PTPRD: variants seen among roughly 807,000 people sequenced by gnomAD.
PTPRD encodes protein tyrosine phosphatase receptor type D.
Under a neutral mutation model 214.5 loss-of-function variants are expected in PTPRD, and 34 were observed. That is an observed-to-expected ratio of 0.16 (90% CI 0.12 to 0.21). The LOEUF (loss-of-function observed/expected upper bound fraction) is 0.21. Ranked by LOEUF, PTPRD falls within the 10% of genes least tolerant of loss-of-function variation. PTPRD has a pLI of 1.00. For synonymous variants in PTPRD, 1,128 were observed against 845.7 expected (o/e 1.33, Z -5.79); for missense variants, 2,545 against 2,398.7 (o/e 1.06, Z -1.27).
intron 10 of PTPRD, among the ~76,000 whole-genome samples, chr9:9,101,053 A>G (rs2099790558): frequency 6.6e-6 from 1 of 152,098 alleles, no homozygotes; most frequent in Admixed American, 6.6e-5. Flanking sequence ...AAAAATCAGC[A>G]CATACAAGAT....
chr9:9,978,734 C>T (rs1384015188), intron 4 of PTPRD, among the ~76,000 whole-genome samples: 2 of 146,444 alleles, frequency 1.4e-5, no homozygotes, highest in Non-Finnish European at 3.0e-5. Context: ...ACTATAGATC[C>T]AAGAAGCTCG....
chr9:8,554,985 T>C (rs763671401), intron 14 of PTPRD, among the ~76,000 whole-genome samples: 1 of 143,930 alleles, frequency 6.9e-6, no homozygotes, highest in Non-Finnish European at 1.5e-5. Flanking sequence ...TATGTATATA[T>C]ACACTATATA....
intron 9 of PTPRD, among the ~76,000 whole-genome samples, chr9:9,198,060 C>T (rs972212752): frequency 2.6e-5 from 4 of 152,042 alleles, no homozygotes; most frequent in Non-Finnish European, 5.9e-5. Context: ...AATTTTTAAC[C>T]ATGTATAAGG....
intron 9 of PTPRD, among the ~76,000 whole-genome samples, chr9:9,313,096 C>T (rs1044810546): frequency 5.9e-5 from 9 of 151,914 alleles, no homozygotes; most frequent in Non-Finnish European, 8.8e-5. Flanking sequence ...TTTTGAAGTT[C>T]GGTGATGTTT....
At chr9:10,026,566 T>C (rs2096926981) in intron 4 of PTPRD, among the ~76,000 whole-genome samples, 2 of 152,162 alleles carry the variant, frequency 1.3e-5, no homozygotes, top group Non-Finnish European at 2.9e-5. Flanking sequence ...TAGCCCATAA[T>C]CTGTGCTCAT....
intron 11 of PTPRD, among the ~76,000 whole-genome samples, chr9:8,888,965 A>T (rs2154235452): frequency 6.6e-6 from 1 of 152,326 alleles, no homozygotes; most frequent in South Asian, 2.1e-4. Context: ...TTATAAGGTT[A>T]TTGGGAAGAT....
intron 5 of PTPRD, among the ~76,000 whole-genome samples, chr9:9,868,467 G>A (rs10491917): frequency 0.18 from 27,009 of 151,848 alleles, 2,827 homozygotes; most frequent in African/African-American, 0.3. Flanking sequence ...GATCAAAGTA[G>A]AATTTAAAGA....
intron 2 of PTPRD, among the ~76,000 whole-genome samples, chr9:10,403,227 AATATATATATATATATATAT>A (rs58712564): frequency 8.4e-5 from 5 of 59,878 alleles, no homozygotes; most frequent in South Asian, 4.7e-4. Flanking sequence ...TGTGTGTGTA[AATATATATATATATATATAT>A]ATATATATAT....
intron 10 of PTPRD, among the ~76,000 whole-genome samples, chr9:9,061,149 C>T (rs777760922): frequency 4.6e-5 from 7 of 152,182 alleles, no homozygotes; most frequent in South Asian, 2.1e-4. Context: ...GTCAGGGTAC[C>T]GGCTATTTTC....
Position 9,014,484 on chromosome 9 carries a change from T to C in PTPRD, c.-104+4213A>G, listed in dbSNP as rs967014845. Among the ~76,000 whole-genome samples the C allele has an allele frequency of 2.6e-5, 4 of 152,318 alleles. No individual in the cohort carries two copies. The East Asian group carries it at 5.8e-4, about 22-fold the overall frequency. ...AAAGTGTTAATATGAACGATACATA[T>C]GTGATTACCTAGAGTGAATAAGATC... On this transcript the variant is annotated intron_variant, in intron 11 of 45. Transcript: ENST00000381196.
intron 44 of PTPRD, among the ~76,000 whole-genome samples, chr9:8,328,888 T>C (rs28843193): frequency 0.063 from 9,514 of 152,128 alleles, 632 homozygotes; most frequent in African/African-American, 0.17. Flanking sequence ...AGGTCATTTA[T>C]GTTTTTCTCT....
chr9:8,499,479 G>A (rs374720870), intron 25 of PTPRD, among the ~76,000 whole-genome samples, 168 bp downstream of exon 25: 27 of 152,132 alleles, frequency 1.8e-4, no homozygotes, highest in African/African-American at 6.5e-4. Context: ...TTCCTCACTT[G>A]ATAGTAACTC....
chr9:9,122,519 T>C (rs887424452), intron 10 of PTPRD, among the ~76,000 whole-genome samples: 6 of 152,162 alleles, frequency 3.9e-5, no homozygotes, highest in Admixed American at 3.3e-4. Context: ...GATCTCCATC[T>C]TGGGTTTTAT....
intron 3 of PTPRD, among the ~76,000 whole-genome samples, chr9:10,283,838 A>T (rs2095244380): frequency 6.6e-6 from 1 of 152,138 alleles, no homozygotes; most frequent in Non-Finnish European, 1.5e-5. Context: ...CAGATCTTTT[A>T]GTTATCTGCC....
chr9:8,602,776 G>T (rs2094946302), intron 14 of PTPRD, among the ~76,000 whole-genome samples: 1 of 152,180 alleles, frequency 6.6e-6, no homozygotes, highest in Admixed American at 6.5e-5. Context: ...GAATATGGAT[G>T]CATGTGCATA....
At chr9:9,947,276 A>C (rs2092693554) in intron 4 of PTPRD, among the ~76,000 whole-genome samples, 1 of 111,846 alleles carries the variant, frequency 8.9e-6, no homozygotes, top group Non-Finnish European at 1.7e-5. Flanking sequence ...GTTATACTTA[A>C]CATGTGCTCT....
intron 3 of PTPRD, among the ~76,000 whole-genome samples, chr9:10,230,548 T>C (rs2099605933): frequency 6.6e-6 from 1 of 151,956 alleles, no homozygotes; most frequent in Non-Finnish European, 1.5e-5. Flanking sequence ...AATGTATTTG[T>C]GGTTCCTTGG....
chr9:10,422,099 G>T (rs1235302969), intron 2 of PTPRD, among the ~76,000 whole-genome samples: 1 of 151,892 alleles, frequency 6.6e-6, no homozygotes, highest in East Asian at 1.9e-4. Flanking sequence ...CGTGGTACTG[G>T]TACCAAAACA....
chr9:8,481,533 T>C (rs897316654), intron 30 of PTPRD, among the ~76,000 whole-genome samples: 2 of 152,204 alleles, frequency 1.3e-5, no homozygotes, highest in East Asian at 1.9e-4. Context: ...TGGGGAGTTT[T>C]TGACCACTTT....
Sources: allele counts gnomAD v4.1 joint callset (sites outside exome capture counted in the v4.1 genomes callset), GRCh38; gene constraint gnomAD v4.1.1; transcripts MANE v1.5; gene names NCBI Gene and HGNC (gene_info 2026-07-23, HGNC 2026-07-21).